The following AGBL1 variants were observed in gnomAD, a reference collection of about 807,000 sequenced individuals.
The protein encoded by AGBL1 is AGBL carboxypeptidase 1.
In AGBL1, 130 loss-of-function variants were observed where a neutral mutation model predicts 118.9. The ratio of observed to expected loss-of-function variants is 1.09; its 90% CI spans 0.95 to 1.26. AGBL1 has a LOEUF of 1.26. Ranked by LOEUF, AGBL1 falls within the 50% of genes most tolerant of loss-of-function variation. AGBL1 has a pLI of 0.00. For synonymous variants in AGBL1, 555 were observed against 478.9 expected (o/e 1.16, Z -2.08); for missense variants, 1,584 against 1,298.1 (o/e 1.22, Z -3.38).
At chr15:86,822,646 C>A (rs2078957107) in intron 22 of AGBL1, among the ~76,000 whole-genome samples, 1 of 152,070 alleles carries the variant, frequency 6.6e-6, no homozygotes, top group South Asian at 2.1e-4. Flanking sequence ...TCCAAGGAAG[C>A]TGAGAAGCCA....
chr15:86,829,980 G>T (rs947846318), intron 22 of AGBL1, among the ~76,000 whole-genome samples: 1 of 151,962 alleles, frequency 6.6e-6, no homozygotes, highest in Admixed American at 6.6e-5. Context: ...CCCCAGGAGG[G>T]TATTTAGTTC....
rs184967802 is a variant in AGBL1 at position 86,211,460 on chromosome 15, G to C, written c.489-13454G>C. On this transcript the variant is annotated intron_variant, in intron 5 of 22. Coordinates refer to ENST00000614907, the MANE Select transcript of AGBL1 (RefSeq NM_001386094.1). The stretch of plus-strand genomic sequence containing the variant: ...GCCCCCAGAGCTGGGGTCTACAGAG[G>C]CAGCAGGCCTTGCAGCGCTGCGGTG... Among the ~76,000 whole-genome samples the C allele has an allele frequency of 1.2e-4, 19 of 152,330 alleles. No homozygotes were observed. The East Asian group carries it at 2.5e-3, about 20-fold the overall frequency.
chr15:86,124,135 G>C (rs1006341880), intron 1 of AGBL1, among the ~76,000 whole-genome samples: 2 of 152,064 alleles, frequency 1.3e-5, no homozygotes, highest in African/African-American at 4.8e-5. Flanking sequence ...TTCAAGACCA[G>C]CCTGGCCAAC....
intron 23 of AGBL1, chr15:86,932,995 G>A (rs1860802215): frequency 6.6e-6 from 1 of 152,122 alleles, no homozygotes; most frequent in African/African-American, 2.4e-5. Context: ...AAATATTGAG[G>A]CATAATTTGT....
intron 17 of AGBL1, among the ~76,000 whole-genome samples, chr15:86,302,491 G>A (rs1303389963): frequency 6.6e-6 from 1 of 151,924 alleles, no homozygotes; most frequent in Non-Finnish European, 1.5e-5. Context: ...GAAAATCTCA[G>A]GGTGGACAGG....
intron 22 of AGBL1, among the ~76,000 whole-genome samples, chr15:86,859,557 GT>G (rs1487388626): frequency 6.6e-6 from 1 of 152,112 alleles, no homozygotes; most frequent in African/African-American, 2.4e-5. Context: ...GGGTTCAAAG[GT>G]TGCTACTATC....
At chr15:86,215,894 T>G (rs2078179725) in intron 5 of AGBL1, among the ~76,000 whole-genome samples, 1 of 152,206 alleles carries the variant, frequency 6.6e-6, no homozygotes, top group African/African-American at 2.4e-5. Context: ...AAAATGATAC[T>G]TGTGTGATTT....
chr15:86,257,014 T>G lies in AGBL1; in HGVS notation c.897T>G (p.Pro299=), dbSNP rs772624518. 1.9e-6 allele frequency: 3 copies of G among 1,612,942 alleles called. No homozygotes were observed. Among genetic ancestry groups the G allele is most frequent in the Non-Finnish European group, 2.5e-6 (3 of 1,179,538 alleles). The part of the protein sequence containing the change: ...CITTEPPHDL[P]EEDFEDDGDD... ...CCACTGAACCTCCACATGATCTACC[T>G]GAAGGTAAAATAAGTTGGTAACTAT... Residue 299 remains proline, a synonymous_variant, in exon 8 of 23, where the codon CCT becomes CCG. Transcript: ENST00000614907.
At chr15:86,493,421 A>G (rs1333688316) in intron 18 of AGBL1, among the ~76,000 whole-genome samples, 1 of 152,048 alleles carries the variant, frequency 6.6e-6, no homozygotes, top group African/African-American at 2.4e-5. Context: ...AGAGACATTT[A>G]GAAGACACAT....
intron 5 of AGBL1, among the ~76,000 whole-genome samples, chr15:86,167,135 T>G (rs1279960029): frequency 6.6e-6 from 1 of 152,032 alleles, no homozygotes; most frequent in Non-Finnish European, 1.5e-5. Context: ...CCTACAAATA[T>G]GGAGGAAAGG....
chr15:86,579,938 GA>G (rs146506815), intron 21 of AGBL1, among the ~76,000 whole-genome samples: 7,649 of 152,290 alleles, frequency 0.05, 258 homozygotes, highest in East Asian at 0.11. Flanking sequence ...ATGTAAGAAG[GA>G]AAACTGTCTT....
intron 22 of AGBL1, among the ~76,000 whole-genome samples, chr15:86,711,638 A>G (rs1240826437): frequency 1.3e-5 from 2 of 152,208 alleles, no homozygotes; most frequent in Admixed American, 1.3e-4. Context: ...AGGTCATGGC[A>G]AAGAACAGGA....
chr15:86,865,865 G>A (rs1422637379), intron 22 of AGBL1, among the ~76,000 whole-genome samples: 2 of 152,160 alleles, frequency 1.3e-5, no homozygotes, highest in South Asian at 2.1e-4. Context: ...TTAACTCCCT[G>A]TGCTTCAATC....
intron 22 of AGBL1, among the ~76,000 whole-genome samples, chr15:86,727,522 G>A (rs546783481): frequency 1.3e-5 from 2 of 152,176 alleles, no homozygotes; most frequent in African/African-American, 2.4e-5. Flanking sequence ...TATAGGGATA[G>A]TTCTTCCCCA....
intron 22 of AGBL1, among the ~76,000 whole-genome samples, chr15:86,705,056 CCTCA>C (rs1232246170): frequency 6.6e-6 from 1 of 152,080 alleles, no homozygotes; most frequent in Non-Finnish European, 1.5e-5. Context: ...CACTGCATGT[CCTCA>C]CTCATAAGTG....
intron 1 of AGBL1, among the ~76,000 whole-genome samples, chr15:86,086,018 C>G (rs138341492): frequency 3.0e-4 from 45 of 152,296 alleles, no homozygotes; most frequent in African/African-American, 1.1e-3. Context: ...ACCAGTGGTG[C>G]TTTGAGGTGT....
At chr15:86,790,380 GCACA>G (rs142594712) in intron 22 of AGBL1, among the ~76,000 whole-genome samples, 4 of 147,776 alleles carry the variant, frequency 2.7e-5, no homozygotes, top group South Asian at 2.2e-4. Flanking sequence ...ATGCACGCAC[GCACA>G]CACACACACA....
chr15:86,390,987 GA>G (rs1306328233), intron 17 of AGBL1, among the ~76,000 whole-genome samples: 1 of 146,556 alleles, frequency 6.8e-6, no homozygotes, highest in Non-Finnish European at 1.5e-5. Context: ...ATTTAATTAT[GA>G]AATTCCAGAA....
intron 17 of AGBL1, among the ~76,000 whole-genome samples, chr15:86,345,520 C>T (rs904558952): frequency 1.3e-5 from 2 of 152,174 alleles, no homozygotes; most frequent in African/African-American, 4.8e-5. Context: ...AAAGAAGTAC[C>T]TCTAACTGTA....
Sources: gnomAD v4.1 joint callset for allele counts (sites outside exome capture counted in the v4.1 genomes callset) on GRCh38, gnomAD v4.1.1 for gene constraint, MANE v1.5 for transcripts, NCBI Gene and HGNC (gene_info 2026-07-23, HGNC 2026-07-21) for gene names.